HELZ: variants seen among roughly 807,000 people sequenced by gnomAD.
HELZ encodes the protein helicase with zinc finger, also known as ATP-dependent RNA helicase with zinc finger domain.
Under a neutral mutation model 218.2 loss-of-function variants are expected in HELZ, and 23 were observed. That is an observed-to-expected ratio of 0.11 (90% CI 0.08 to 0.15). The LOEUF (loss-of-function observed/expected upper bound fraction) is 0.15. HELZ is among the 10% of genes least tolerant of loss of function. HELZ has a pLI of 1.00. For synonymous variants in HELZ, 814 were observed against 829.4 expected (o/e 0.98, Z 0.32); for missense variants, 1,813 against 2,353.7 (o/e 0.77, Z 4.75).
chr17:67,079,416 A>G (rs181984230), intron 32 of HELZ, among the ~76,000 whole-genome samples: 1 of 152,112 alleles, frequency 6.6e-6, no homozygotes, highest in Middle Eastern at 3.2e-3. Context: ...TACTTATGTA[A>G]TGTCTCATTT....
At chr17:67,135,413 T>C (rs1052636127) in intron 23 of HELZ, among the ~76,000 whole-genome samples, 4 of 152,178 alleles carry the variant, frequency 2.6e-5, no homozygotes, top group African/African-American at 7.2e-5. Context: ...CCTGCTCTAG[T>C]TGTTGCTTCT....
chr17:67,135,939 C>T, intron 23 of HELZ, 31 bp downstream of exon 23: 1 of 1,503,534 alleles, frequency 6.7e-7, no homozygotes, highest in Non-Finnish European at 9.2e-7. Flanking sequence ...CACATTTCCC[C>T]TTTAATGTCT....
chr17:67,169,124 G>A (rs1241364071), intron 13 of HELZ, among the ~76,000 whole-genome samples: 1 of 152,050 alleles, frequency 6.6e-6, no homozygotes, highest in African/African-American at 2.4e-5. Flanking sequence ...GAAATATGAA[G>A]TGAAAGAAAG....
intron 21 of HELZ, among the ~76,000 whole-genome samples, chr17:67,141,128 CACAA>C (rs1447514211): frequency 6.6e-6 from 1 of 152,134 alleles, no homozygotes; most frequent in East Asian, 1.9e-4. Context: ...TTCAAATCCA[CACAA>C]ACAAAGAATC....
chr17:67,179,663 G>A (rs2039553650), intron 12 of HELZ: 1 of 152,056 alleles, frequency 6.6e-6, no homozygotes, highest in South Asian at 2.1e-4. Context: ...TCTGAGCACT[G>A]GGTTGGCTCA....
At chr17:67,238,027 G>A (rs995903427) in intron 3 of HELZ, among the ~76,000 whole-genome samples, 8 of 148,088 alleles carry the variant, frequency 5.4e-5, no homozygotes, top group African/African-American at 2.0e-4. Flanking sequence ...TTTTGCGGAT[G>A]AAGATATCTC....
At chr17:67,092,893 G>GGA (rs1555596435) in intron 31 of HELZ, among the ~76,000 whole-genome samples, 1 of 44,444 alleles carries the variant, frequency 2.3e-5, no homozygotes, top group Admixed American at 3.1e-4. Context: ...TGAAACCGGC[G>GGA]GGGGGGGGAA....
intron 3 of HELZ, chr17:67,225,177 TTCA>T: frequency 2.7e-6 from 1 of 364,376 alleles, no homozygotes. Context: ...TTACTGAAGG[TTCA>T]TCGTGTGCCA....
intron 32 of HELZ, among the ~76,000 whole-genome samples, chr17:67,086,601 A>AATAT (rs1381357918): frequency 8.4e-6 from 1 of 119,702 alleles, no homozygotes; most frequent in African/African-American, 3.3e-5. Flanking sequence ...TACATATATT[A>AATAT]ATATATATAT....
At chr17:67,175,921 T>A (rs2039442539) in intron 13 of HELZ, among the ~76,000 whole-genome samples, 2 of 152,158 alleles carry the variant, frequency 1.3e-5, no homozygotes, top group Non-Finnish European at 2.9e-5. Flanking sequence ...GATATAACTT[T>A]AAAGATTAAA....
chr17:67,189,509 AAC>A (rs2039840136), intron 11 of HELZ, 78 bp downstream of exon 11: 2 of 815,420 alleles, frequency 2.5e-6, no homozygotes, highest in East Asian at 2.5e-5. Flanking sequence ...AATATTCTTT[AAC>A]ACAGAGATTC....
At chr17:67,098,647 C>T (rs1165684303) in intron 31 of HELZ, among the ~76,000 whole-genome samples, 1 of 151,742 alleles carries the variant, frequency 6.6e-6, no homozygotes, top group Non-Finnish European at 1.5e-5. Context: ...GGGAGGCTGA[C>T]ACAGGAGAAT....
intron 1 of HELZ, 22 bp downstream of exon 1, chr17:67,245,123 AGAG>A (rs2041446906): frequency 1.0e-6 from 1 of 984,784 alleles, no homozygotes; most frequent in African/African-American, 1.8e-5. Context: ...CCCCAGGAGC[AGAG>A]AAGGGGGAAG....
chr17:67,081,800 G>A (rs1191783922), intron 32 of HELZ, among the ~76,000 whole-genome samples: 2 of 152,194 alleles, frequency 1.3e-5, no homozygotes, highest in African/African-American at 2.4e-5. Context: ...ATGTGTATGT[G>A]GGGCGGGGCA....
chr17:67,134,038 TTAG>T (rs569874614), intron 23 of HELZ, among the ~76,000 whole-genome samples: 329 of 152,252 alleles, frequency 2.2e-3, no homozygotes, highest in Non-Finnish European at 3.7e-3. Flanking sequence ...GAAAGCAAAA[TTAG>T]TAGACTTCTT....
chr17:67,242,410 CT>C lies in HELZ; in HGVS notation c.-76+1373del, dbSNP rs1269941186. Among the ~76,000 whole-genome samples, 3 of 96,986 alleles carry C rather than the reference CT, an allele frequency of 3.1e-5. No homozygotes were observed. In the South Asian group the frequency reaches 1.4e-3, roughly 45 times the overall value. The allele number at this position is 96,986 out of a possible 152,430, so 63.6% of individuals were successfully genotyped here. ...CTGGGCAACAAGAGTGAAACTCTGT[CT>C]CAAAAAAAAAAAAAAAGAAAAAAAA... is the stretch of plus-strand genomic sequence containing the variant. On this transcript the variant is annotated intron_variant, in intron 2 of 32. Transcript: ENST00000358691.
intron 13 of HELZ, among the ~76,000 whole-genome samples, chr17:67,173,664 G>T (rs1035550762): frequency 3.3e-5 from 5 of 152,200 alleles, no homozygotes; most frequent in Non-Finnish European, 7.3e-5. Flanking sequence ...CAGAGCGACA[G>T]AACTGAGGTG....
chr17:67,203,616 A>T (rs1229122099), intron 5 of HELZ, among the ~76,000 whole-genome samples, 173 bp from the exon 6 acceptor site: 1 of 152,238 alleles, frequency 6.6e-6, no homozygotes, highest in Non-Finnish European at 1.5e-5. Context: ...GGCATATAAG[A>T]ACAAGAAAAA....
chr17:67,228,322 T>G (rs767164244), intron 3 of HELZ, among the ~76,000 whole-genome samples: 1 of 152,180 alleles, frequency 6.6e-6, no homozygotes, highest in African/African-American at 2.4e-5. Context: ...AAATTGGATA[T>G]CCACATTTTT....
Sources: gnomAD v4.1 joint callset for allele counts (sites outside exome capture counted in the v4.1 genomes callset) on GRCh38, gnomAD v4.1.1 for gene constraint, MANE v1.5 for transcripts, NCBI Gene and HGNC (gene_info 2026-07-23, HGNC 2026-07-21) for gene names.